Variants in ZNF566 observed in about 807,000 individuals in gnomAD.
ZNF566 encodes zinc finger protein 566.
A neutral mutation model predicts 32.8 loss-of-function variants in ZNF566; 27 were observed. That is an observed-to-expected ratio of 0.82 (90% CI 0.61 to 1.14). The LOEUF (loss-of-function observed/expected upper bound fraction) is 1.14, where lower values mean the gene tolerates loss of function less well. ZNF566 is among the 50% of genes most tolerant of loss of function. The pLI, the probability that ZNF566 is intolerant of heterozygous loss-of-function variation, is 0.00. For missense variants in ZNF566, 402 were observed against 490.4 expected (o/e 0.82, Z 1.70); for synonymous variants, 154 against 159.5 (o/e 0.97, Z 0.26).
chr19:36,485,897 T>TA (rs1482301968), intron 1 of ZNF566, among the ~76,000 whole-genome samples: 1 of 151,280 alleles, frequency 6.6e-6, no homozygotes, highest in Non-Finnish European at 1.5e-5. Context: ...CTGCTAAAAA[T>TA]ACAAAAATTA....
intron 4 of ZNF566, among the ~76,000 whole-genome samples, chr19:36,466,264 T>C (rs1257310875): frequency 1.3e-5 from 2 of 152,150 alleles, no homozygotes; most frequent in African/African-American, 4.8e-5. Flanking sequence ...CAAAGATATA[T>C]TAAAAAAGAC....
Position 36,447,060 on chromosome 19 carries a change from G to C in ZNF566, c.*1917C>G, listed in dbSNP as rs1420966117. 1 of 151,412 alleles carries C rather than the reference G, an allele frequency of 6.6e-6. No homozygotes were observed. Among genetic ancestry groups the C allele is most frequent in the East Asian group, 1.9e-4 (1 of 5,162 alleles). The allele number at this position is 151,412 out of a possible 1,614,324, so 9.4% of individuals were successfully genotyped here. On this transcript the variant is annotated 3_prime_UTR_variant, in exon 5 of 5. Coordinates refer to ENST00000452939, the MANE Select transcript of ZNF566 (RefSeq NM_001145344.1). ...TTTAATAGTCTCATTCTGTCGCTCA[G>C]GCTGAAGTGCCATGGCGTGATCTTG... is the stretch of plus-strand genomic sequence containing the variant.
chr19:36,471,449 C>T (rs558621415), intron 4 of ZNF566, among the ~76,000 whole-genome samples: 22 of 152,176 alleles, frequency 1.4e-4, no homozygotes, highest in South Asian at 4.2e-4. Flanking sequence ...ACACAGCCAA[C>T]GCACAGCTGC....
rs1001467246 is a variant in ZNF566 at position 36,447,645 on chromosome 19, T to C, written c.*1332A>G. The C allele has an allele frequency of 6.6e-6, 1 of 152,192 alleles. No homozygotes were observed. The highest frequency in any genetic ancestry group is 1.5e-5 in the Non-Finnish European group (1 of 68,034). 9.4% of individuals were successfully genotyped at this position (152,192 alleles called of 1,614,324 possible). On this transcript the variant is annotated 3_prime_UTR_variant, in exon 5 of 5. Transcript: ENST00000452939. ...TTTTCATACTTTTTTTCCTCATTAG[T>C]GCACCAATATTTTGCTTATGTTCTC...
intron 4 of ZNF566, among the ~76,000 whole-genome samples, chr19:36,459,492 C>T (rs903097649): frequency 2.0e-5 from 3 of 151,562 alleles, no homozygotes; most frequent in Non-Finnish European, 2.9e-5. Flanking sequence ...GGATTACAGG[C>T]GTGAGCCACC....
chr19:36,448,106 A>G lies in ZNF566; in HGVS notation c.*871T>C, dbSNP rs1321877368. ...CACGCATGTATATATGAACAGAAAA[A>G]TGATCAGCAATAAATAATGAACTGA... On this transcript the variant is annotated 3_prime_UTR_variant, in exon 5 of 5. Coordinates refer to ENST00000452939, the MANE Select transcript of ZNF566 (RefSeq NM_001145344.1). The G allele has an allele frequency of 1.3e-5, 2 of 152,196 alleles. No individual in the cohort carries two copies. The highest frequency in any genetic ancestry group is 6.5e-5 in the Admixed American group (1 of 15,276). The allele number at this position is 152,196 out of a possible 1,614,324, so 9.4% of individuals were successfully genotyped here.
chr19:36,486,671 C>CAAAAAAAAAAAAAAAAATAAAAAA (rs2034169523), intron 1 of ZNF566, among the ~76,000 whole-genome samples: 1 of 80,940 alleles, frequency 1.2e-5, no homozygotes, highest in African/African-American at 5.0e-5. Context: ...AACTCTGTCT[C>CAAAAAAAAAAAAAAAAATAAAAAA]AAAAAAAAAA....
chr19:36,465,874 G>T (rs865860673), intron 4 of ZNF566, among the ~76,000 whole-genome samples: 2 of 150,816 alleles, frequency 1.3e-5, no homozygotes, highest in South Asian at 4.2e-4. Context: ...CAAGGCCAAA[G>T]AAATATATAT....
Position 36,476,609 on chromosome 19 carries a change from G to C in ZNF566, c.-52C>G. ...TTCTCTTGGCTCTTCTTTTGGAGAA[G>C]GGTAGAGCTGGGAGAGGCAAAAGAA... On this transcript the variant is annotated 5_prime_UTR_variant, in exon 2 of 5. Transcript: ENST00000452939. The C allele has an allele frequency of 6.2e-7, 1 of 1,611,622 alleles. No individual in the cohort carries two copies. The highest frequency in any genetic ancestry group is 1.7e-5 in the Admixed American group (1 of 59,538).
chr19:36,471,200 C>T (rs559467905), intron 4 of ZNF566, among the ~76,000 whole-genome samples: 66 of 137,386 alleles, frequency 4.8e-4, no homozygotes, highest in Middle Eastern at 4.1e-3. Flanking sequence ...GGCGACAGAG[C>T]GAGACTCTGT....
In ZNF566 at chr19:36,449,458, T is replaced by C; in HGVS notation, c.776A>G (p.Glu259Gly). The C allele has an allele frequency of 6.2e-7, 1 of 1,613,942 alleles. No homozygotes were observed. The highest frequency in any genetic ancestry group is 8.5e-7 in the Non-Finnish European group (1 of 1,179,978). Residue 259 changes from glutamate to glycine, a missense_variant, in exon 5 of 5, where the codon GAA (glutamate) becomes GGA (glycine). Transcript: ENST00000452939. The part of the protein sequence containing the change: ...HTGEKPYECK[E>G]CGKAFSSGSN... ...ACCACTACTAAAGGCTTTCCCACAT[T>C]CCTTACATTCATAGGGTTTCTCACC...
chr19:36,456,681 T>C (rs11665865), intron 4 of ZNF566: 8 of 151,956 alleles, frequency 5.3e-5, no homozygotes, highest in Admixed American at 1.3e-4. Flanking sequence ...TGTATACCTA[T>C]GTAACAAGCC....
intron 1 of ZNF566, among the ~76,000 whole-genome samples, chr19:36,482,611 A>C (rs566970698): frequency 6.6e-6 from 1 of 152,330 alleles, no homozygotes; most frequent in African/African-American, 2.4e-5. Flanking sequence ...AAAAAGAGCT[A>C]CACAGAGATT....
At chr19:36,476,433 T>C in intron 2 of ZNF566, 116 bp downstream of exon 2, 1 of 937,122 alleles carries the variant, frequency 1.1e-6, no homozygotes, top group Non-Finnish European at 1.6e-6. Flanking sequence ...ATAACCAAAC[T>C]TTTTGAAAGG....
chr19:36,469,087 T>G (rs1026480529), intron 4 of ZNF566, among the ~76,000 whole-genome samples: 3 of 151,882 alleles, frequency 2.0e-5, no homozygotes, highest in Non-Finnish European at 4.4e-5. Context: ...TTACAAGTAT[T>G]CAATATAATG....
intron 1 of ZNF566, 60 bp downstream of exon 1, chr19:36,489,426 C>G (rs980951192): frequency 3.3e-6 from 1 of 301,546 alleles, no homozygotes; most frequent in Non-Finnish European, 6.5e-6. Flanking sequence ...CACCGCCGCA[C>G]AAAGCCGAGG....
chr19:36,483,634 AAAAT>A (rs1266795176), intron 1 of ZNF566, among the ~76,000 whole-genome samples: 1 of 152,134 alleles, frequency 6.6e-6, no homozygotes, highest in African/African-American at 2.4e-5. Context: ...AGAATAGAAT[AAAAT>A]AAATATCCAT....
intron 4 of ZNF566, among the ~76,000 whole-genome samples, chr19:36,462,882 A>T (rs934200017): frequency 1.5e-5 from 2 of 134,698 alleles, no homozygotes; most frequent in Admixed American, 8.7e-5. Flanking sequence ...GCTTGAACCC[A>T]GGAGGCGGAG....
intron 1 of ZNF566, among the ~76,000 whole-genome samples, chr19:36,481,505 A>G (rs1308585549): frequency 6.6e-6 from 1 of 150,864 alleles, no homozygotes; most frequent in Non-Finnish European, 1.5e-5. Flanking sequence ...AGAAAAGAAC[A>G]CTGAGGTACT....
Sources: gnomAD v4.1 joint callset for allele counts (sites outside exome capture counted in the v4.1 genomes callset) on GRCh38, gnomAD v4.1.1 for gene constraint, MANE v1.5 for transcripts, NCBI Gene and HGNC (gene_info 2026-07-23, HGNC 2026-07-21) for gene names.